CNTN4: variants seen among roughly 807,000 people sequenced by gnomAD.
The protein encoded by CNTN4 is contactin 4, also known as contactin-4.
CNTN4 carries 77 observed loss-of-function variants against 122.5 expected under a neutral mutation model. The observed-to-expected ratio is 0.63, with a 90% CI of 0.52 to 0.76. The LOEUF is 0.76. Among genes scored for constraint, CNTN4 ranks in the 30% least tolerant of loss-of-function variants. The pLI, the probability that CNTN4 is intolerant of heterozygous loss-of-function variation, is 0.00. For missense variants in CNTN4, 1,256 were observed against 1,259.1 expected (o/e 1.00, Z 0.04); for synonymous variants, 512 against 447.0 (o/e 1.15, Z -1.83).
chr3:2,423,759 T>A (rs924280801), intron 3 of CNTN4, among the ~76,000 whole-genome samples: 14 of 152,212 alleles, frequency 9.2e-5, no homozygotes, highest in Admixed American at 2.0e-4. Context: ...TAATACCCTG[T>A]TAATTACAAA....
At chr3:2,632,648 C>T (rs576728208) in intron 4 of CNTN4, among the ~76,000 whole-genome samples, 3 of 152,156 alleles carry the variant, frequency 2.0e-5, no homozygotes, top group African/African-American at 7.2e-5. Flanking sequence ...GTTAAATTCA[C>T]CAATGGTGCC....
At chr3:2,913,720 A>G (rs2094325454) in intron 12 of CNTN4, among the ~76,000 whole-genome samples, 1 of 152,196 alleles carries the variant, frequency 6.6e-6, no homozygotes. Flanking sequence ...GGATACTTTG[A>G]TACTCTATTT....
At position 2,721,041 on chromosome 3, in the gene CNTN4, C is replaced by T. The variant is rs185550193; in HGVS notation, c.56-15174C>T. ...AGGCTGGAGTGCAGTGGCATGATCT[C>T]GGCTCACTGCAACCTCCACCTCCCA... is the stretch of plus-strand genomic sequence containing the variant. On this transcript the variant is annotated intron_variant, in intron 4 of 24. Transcript: ENST00000418658. Among the ~76,000 whole-genome samples the T allele has an allele frequency of 2.8e-4, 43 of 152,198 alleles. 2 individuals carry two copies. In the East Asian group the frequency reaches 6.6e-3, roughly 23 times the overall value.
chr3:2,954,798 T>C (rs1177780895), intron 13 of CNTN4, among the ~76,000 whole-genome samples: 2 of 152,208 alleles, frequency 1.3e-5, no homozygotes, highest in African/African-American at 4.8e-5. Context: ...GTCTGCCTAG[T>C]ATTAATTTTG....
At chr3:3,025,908 T>G (rs1318500215) in intron 14 of CNTN4, among the ~76,000 whole-genome samples, 194 bp from the exon 15 acceptor site, 1 of 152,198 alleles carries the variant, frequency 6.6e-6, no homozygotes, top group African/African-American at 2.4e-5. Flanking sequence ...AGTGTTTTCA[T>G]CTTTTCATAT....
intron 16 of CNTN4, among the ~76,000 whole-genome samples, chr3:3,034,045 C>T (rs1020660474): frequency 2.0e-5 from 3 of 152,154 alleles, no homozygotes; most frequent in Admixed American, 6.5e-5. Context: ...TTCCCTTGCA[C>T]GCAAGTGTGT....
At chr3:2,515,027 A>C (rs35073826) in intron 3 of CNTN4, among the ~76,000 whole-genome samples, 1 of 148,574 alleles carries the variant, frequency 6.7e-6, no homozygotes, top group Non-Finnish European at 1.5e-5. Flanking sequence ...TCTCTTTTTC[A>C]TCAGTTAATT....
chr3:2,681,720 T>C (rs1428242222), intron 4 of CNTN4, among the ~76,000 whole-genome samples: 2 of 152,066 alleles, frequency 1.3e-5, no homozygotes, highest in African/African-American at 4.8e-5. Flanking sequence ...TAAATATATA[T>C]ATATATGTAG....
At chr3:2,485,623 G>T (rs1282334867) in intron 3 of CNTN4, among the ~76,000 whole-genome samples, 1 of 151,544 alleles carries the variant, frequency 6.6e-6, no homozygotes, top group Non-Finnish European at 1.5e-5. Context: ...GGTAATCTGG[G>T]GGGGACTTGG....
chr3:2,592,332 G>A (rs2080535967), intron 4 of CNTN4, among the ~76,000 whole-genome samples: 1 of 152,160 alleles, frequency 6.6e-6, no homozygotes, highest in South Asian at 2.1e-4. Flanking sequence ...TGCAAATAAG[G>A]AAGAAAAGTT....
At chr3:2,519,645 A>G (rs2077141789) in intron 3 of CNTN4, among the ~76,000 whole-genome samples, 1 of 152,220 alleles carries the variant, frequency 6.6e-6, no homozygotes, top group African/African-American at 2.4e-5. Context: ...GGCAATAGGG[A>G]GTCCACAGGG....
intron 4 of CNTN4, among the ~76,000 whole-genome samples, chr3:2,686,267 CA>C (rs1443856263): frequency 6.6e-6 from 1 of 152,168 alleles, no homozygotes; most frequent in Non-Finnish European, 1.5e-5. Context: ...TTAACCCTTA[CA>C]TTAATCCAAA....
Position 2,346,048 on chromosome 3 carries a change from C to T in CNTN4, c.-89+6815C>T, listed in dbSNP as rs990049093. On this transcript the variant is annotated intron_variant, in intron 3 of 24. Coordinates refer to ENST00000418658, the MANE Select transcript of CNTN4 (RefSeq NM_175607.3). The stretch of plus-strand genomic sequence containing the variant: ...GTGAATTTTCCCCCCTTCTTTTTTA[C>T]TAAGGGAATTGAATTTTTTTGCACT... Among the ~76,000 whole-genome samples, 6 of 152,170 alleles carry T rather than the reference C, an allele frequency of 3.9e-5. No individual in the cohort carries two copies. The East Asian group carries it at 1.2e-3, about 29-fold the overall frequency.
chr3:2,662,431 G>C (rs980320187), intron 4 of CNTN4, among the ~76,000 whole-genome samples: 1 of 152,158 alleles, frequency 6.6e-6, no homozygotes, highest in Admixed American at 6.5e-5. Context: ...ACATCCAGCT[G>C]CTAAACAGGA....
In CNTN4 at chr3:2,792,073, TTAAAA is replaced by T. The variant is rs558409797; in HGVS notation, c.359-27408_359-27404del. 9.7e-3 allele frequency among the ~76,000 whole-genome samples: 1,485 copies of T among 152,312 alleles called. 9 individuals carry two copies. Among genetic ancestry groups the T allele is most frequent in the Non-Finnish European group, 0.017 (1,147 of 68,024 alleles). ...CAATCCTGCACATGTACCCCTGAAC[TTAAAA>T]TAAATTAATTAATTTTAAAAACTCT... is the stretch of plus-strand genomic sequence containing the variant. On this transcript the variant is annotated intron_variant, in intron 6 of 24. Coordinates refer to ENST00000418658, the MANE Select transcript of CNTN4 (RefSeq NM_175607.3).
At chr3:2,693,938 A>G (rs1017933396) in intron 4 of CNTN4, among the ~76,000 whole-genome samples, 2 of 152,198 alleles carry the variant, frequency 1.3e-5, no homozygotes, top group Non-Finnish European at 2.9e-5. Flanking sequence ...TGCTATTATT[A>G]GACACATTCT....
At chr3:2,890,281 T>C (rs2094023835) in intron 10 of CNTN4, among the ~76,000 whole-genome samples, 1 of 152,226 alleles carries the variant, frequency 6.6e-6, no homozygotes, top group African/African-American at 2.4e-5. Context: ...TCTCACTTTT[T>C]TCTGGTCTGG....
intron 6 of CNTN4, among the ~76,000 whole-genome samples, chr3:2,816,907 TA>T (rs1324648891): frequency 7.1e-6 from 1 of 141,752 alleles, no homozygotes; most frequent in Non-Finnish European, 1.6e-5. Context: ...ATTTAATAAA[TA>T]AATAAAAATA....
At chr3:2,837,003 G>GT (rs2093241359) in intron 7 of CNTN4, among the ~76,000 whole-genome samples, 1 of 152,010 alleles carries the variant, frequency 6.6e-6, no homozygotes, top group Admixed American at 6.6e-5. Context: ...ATGAAACAAG[G>GT]TTTATAATTA....
Sources: allele counts gnomAD v4.1 joint callset (sites outside exome capture counted in the v4.1 genomes callset), GRCh38; gene constraint gnomAD v4.1.1; transcripts MANE v1.5; gene names NCBI Gene and HGNC (gene_info 2026-07-23, HGNC 2026-07-21).